Variants in SSX2IP observed in about 807,000 individuals in gnomAD.
SSX2IP encodes the protein afadin- and alpha-actinin-binding protein.
SSX2IP carries 55 observed loss-of-function variants against 84.9 expected under a neutral mutation model. The observed-to-expected ratio is 0.65, with a 90% CI of 0.52 to 0.81. The LOEUF (loss-of-function observed/expected upper bound fraction) is 0.81, where lower values mean the gene tolerates loss of function less well. Ranked by LOEUF, SSX2IP falls within the 30% of genes least tolerant of loss-of-function variation. SSX2IP has a pLI of 0.00. For missense variants in SSX2IP, 664 were observed against 705.2 expected (o/e 0.94, Z 0.66); for synonymous variants, 239 against 234.7 (o/e 1.02, Z -0.17).
chr1:84,684,218 T>C (rs763325762), intron 1 of SSX2IP, among the ~76,000 whole-genome samples: 14 of 152,172 alleles, frequency 9.2e-5, no homozygotes, highest in Non-Finnish European at 1.9e-4. Context: ...TCAATAAAAA[T>C]GCAAATTATC....
intron 4 of SSX2IP, among the ~76,000 whole-genome samples, chr1:84,669,474 T>C (rs951441681): frequency 6.6e-6 from 1 of 152,152 alleles, no homozygotes; most frequent in Non-Finnish European, 1.5e-5. Flanking sequence ...CGGCAAGTCA[T>C]TAAACAGCTC....
chr1:84,647,711 C>A, intron 13 of SSX2IP, 104 bp from the exon 14 acceptor site: 129 of 635,794 alleles, frequency 2.0e-4, no homozygotes, highest in Non-Finnish European at 2.6e-4. Context: ...CCTTTTAATT[C>A]TAAAAATCTA....
intron 11 of SSX2IP, among the ~76,000 whole-genome samples, chr1:84,654,139 AAAG>A (rs1183522664): frequency 6.6e-6 from 1 of 152,194 alleles, no homozygotes; most frequent in Non-Finnish European, 1.5e-5. Context: ...CAGAGAAGTC[AAAG>A]AAGGAAAAAA....
At chr1:84,648,133 G>A (rs1468417025) in intron 13 of SSX2IP, among the ~76,000 whole-genome samples, 2 of 152,010 alleles carry the variant, frequency 1.3e-5, no homozygotes, top group Non-Finnish European at 2.9e-5. Context: ...GTAGAAATTA[G>A]CTACAAATAC....
intron 1 of SSX2IP, among the ~76,000 whole-genome samples, chr1:84,688,084 T>C (rs1301062488): frequency 1.3e-5 from 2 of 152,232 alleles, no homozygotes; most frequent in African/African-American, 4.8e-5. Flanking sequence ...AGCAGCTTAC[T>C]AAGCGTTTAA....
At chr1:84,676,353 T>C (rs1387245813) in intron 1 of SSX2IP, among the ~76,000 whole-genome samples, 1 of 152,218 alleles carries the variant, frequency 6.6e-6, no homozygotes, top group African/African-American at 2.4e-5. Flanking sequence ...TTCCAATCAA[T>C]GTCTTTATAC....
At chr1:84,668,679 G>C (rs911246657) in intron 4 of SSX2IP, among the ~76,000 whole-genome samples, 1 of 152,106 alleles carries the variant, frequency 6.6e-6, no homozygotes, top group Non-Finnish European at 1.5e-5. Context: ...TTTCCTGCTA[G>C]GGGGTTTTTA....
intron 8 of SSX2IP, among the ~76,000 whole-genome samples, chr1:84,661,986 T>A (rs1302719406): frequency 6.6e-6 from 1 of 152,180 alleles, no homozygotes; most frequent in African/African-American, 2.4e-5. Flanking sequence ...CATGTATTAA[T>A]TCCCCGGAAA....
At position 84,651,791 on chromosome 1, in the gene SSX2IP, A is replaced by C. The variant is rs189828510; in HGVS notation, c.1504+92T>G. On this transcript the variant is annotated intron_variant, in intron 12 of 13. Transcript: ENST00000342203. ...AGAGAGCTCTAATTGGTGATTTCCA[A>C]AGTTTTGTATTAATAATATGTAGTA... 81 of 779,494 alleles carry C rather than the reference A, an allele frequency of 1.0e-4. No individual in the cohort carries two copies. The African/African-American group carries it at 1.3e-3, about 13-fold the overall frequency. The allele number at this position is 779,494 out of a possible 1,614,324, so 48.3% of individuals were successfully genotyped here. A position where few individuals can be genotyped will look rare whatever the true frequency, so the allele number is the denominator to read the frequency against.
chr1:84,660,279 C>A (rs907113390), intron 8 of SSX2IP, among the ~76,000 whole-genome samples: 1 of 152,184 alleles, frequency 6.6e-6, no homozygotes, highest in Non-Finnish European at 1.5e-5. Context: ...ATACAGGATA[C>A]TACCCACTGG....
chr1:84,670,582 T>C (rs1173802423), intron 3 of SSX2IP, 64 bp downstream of exon 3: 3 of 1,188,844 alleles, frequency 2.5e-6, no homozygotes, highest in Admixed American at 4.9e-5. Flanking sequence ...GTTTTTCTCA[T>C]AATTTTGATA....
In SSX2IP at chr1:84,650,456, A is replaced by G; in HGVS notation, c.1576T>C (p.Ser526Pro). 6.2e-7 allele frequency: 1 copy of G among 1,614,202 alleles called. No individual in the cohort carries two copies. Residue 526 changes from serine to proline, a missense_variant, in exon 13 of 14, where the codon TCT becomes CCT. Transcript: ENST00000342203. ...GTAAGTTTAGACATGCAAACTGGAGACCCATTAGACACACTGTGAGGCTTC... is the reference window on the plus strand; with the variant it reads ...GTAAGTTTAGACATGCAAACTGGAGGCCCATTAGACACACTGTGAGGCTTC... ...QKKPHSVSNG[S>P]PVCMSKLTKS...
At position 84,644,084 on chromosome 1, in the gene SSX2IP, G is replaced by A. The variant is rs1649210615; in HGVS notation, c.*3349C>T. 1 of 152,130 alleles carries A rather than the reference G, an allele frequency of 6.6e-6. No individual in the cohort carries two copies. Among genetic ancestry groups the A allele is most frequent in the Admixed American group, 6.5e-5 (1 of 15,272 alleles). The allele number at this position is 152,130 out of a possible 1,614,324, so 9.4% of individuals were successfully genotyped here. ...ACTAGATAATAATACACGCTCTTGA[G>A]GAGAGAAAATCCTACACTGCTTTGC... On this transcript the variant is annotated 3_prime_UTR_variant, in exon 14 of 14. Coordinates refer to ENST00000342203, the MANE Select transcript of SSX2IP (RefSeq NM_001166293.2).
At chr1:84,655,395 C>T in intron 11 of SSX2IP, 1 of 1,224,552 alleles carries the variant, frequency 8.2e-7, no homozygotes, top group Non-Finnish European at 1.0e-6. Context: ...GTAAAAAAAG[C>T]AAGCTGTAGA....
chr1:84,647,349 T>C lies in SSX2IP; in HGVS notation c.*84A>G. 1 of 1,234,642 alleles carries C rather than the reference T, an allele frequency of 8.1e-7. No individual in the cohort carries two copies. Among genetic ancestry groups the C allele is most frequent in the Non-Finnish European group, 1.1e-6 (1 of 905,586 alleles). 76.5% of individuals were successfully genotyped at this position (1,234,642 alleles called of 1,614,324 possible). A position where few individuals can be genotyped will look rare whatever the true frequency, so the allele number is the denominator to read the frequency against. ...TCAGACCATCTTAAGTTATTAGAGA[T>C]AACTGACTTTATGACACACCCTGTT... On this transcript the variant is annotated 3_prime_UTR_variant, in exon 14 of 14. Coordinates refer to ENST00000342203, the MANE Select transcript of SSX2IP (RefSeq NM_001166293.2).
rs1450067412 is a variant in SSX2IP at position 84,652,907 on chromosome 1, C to CT, written c.1390-911dup. Among the ~76,000 whole-genome samples the CT allele has an allele frequency of 3.3e-5, 5 of 151,868 alleles. No homozygotes were observed. The East Asian group carries it at 9.7e-4, about 29-fold the overall frequency. Reference sequence around the variant, plus strand: ...ATTAGCCGGGTGTGGTGGCGGGTGCCTGTAGTCCCAGCTACTCAGGAGGCT... The same window carrying CT: ...ATTAGCCGGGTGTGGTGGCGGGTGCCTTGTAGTCCCAGCTACTCAGGAGGCT... On this transcript the variant is annotated intron_variant, in intron 11 of 13. Coordinates refer to ENST00000342203, the MANE Select transcript of SSX2IP (RefSeq NM_001166293.2).
At chr1:84,657,971 TA>T (rs1440268229) in intron 9 of SSX2IP, among the ~76,000 whole-genome samples, 1 of 151,932 alleles carries the variant, frequency 6.6e-6, no homozygotes, top group Non-Finnish European at 1.5e-5. Context: ...CCATCTCTAC[TA>T]AAAACACACC....
At chr1:84,649,653 C>T (rs1160968749) in intron 13 of SSX2IP, 1 of 232,030 alleles carries the variant, frequency 4.3e-6, no homozygotes, top group Non-Finnish European at 8.6e-6. Flanking sequence ...GAGATTACCA[C>T]CATACTTTCC....
rs1384589245 is a variant in SSX2IP, at chr1:84,647,597, CATTG to C, written c.1677_1680del (p.Ile559MetfsTer3). On this transcript the variant is annotated frameshift_variant, in exon 14 of 14. Transcript: ENST00000342203. LOFTEE classifies it high-confidence loss of function. The stretch of plus-strand genomic sequence containing the variant: ...ATTTCTTCAGCAGTTATATTCAGTA[CATTG>C]ATTGAACTGTTGGGAAAAGAAAGGC... The C allele has an allele frequency of 6.9e-6, 11 of 1,595,732 alleles. No homozygotes were observed. Among genetic ancestry groups the C allele is most frequent in the Non-Finnish European group, 8.5e-6 (10 of 1,170,116 alleles).
Sources: gnomAD v4.1 joint callset for allele counts (sites outside exome capture counted in the v4.1 genomes callset) on GRCh38, gnomAD v4.1.1 for gene constraint, MANE v1.5 for transcripts, NCBI Gene and HGNC (gene_info 2026-07-23, HGNC 2026-07-21) for gene names.